Variants in MLXIP observed in about 807,000 individuals in gnomAD.
MLXIP encodes the protein MLX-interacting protein.
Under a neutral mutation model 87.2 loss-of-function variants are expected in MLXIP, and 30 were observed. The observed-to-expected ratio is 0.34, with a 90% CI of 0.26 to 0.47. MLXIP has a LOEUF of 0.47. Ranked by LOEUF, MLXIP falls within the 20% of genes least tolerant of loss-of-function variation. MLXIP has a pLI of 1.00. For synonymous variants in MLXIP, 530 were observed against 514.0 expected, an observed-to-expected ratio of 1.03 and a Z score of -0.42; for missense variants, 1,002 against 1,240.1, an observed-to-expected ratio of 0.81 and a Z score of 2.88.
At chr12:122,101,857 G>A (rs1009254755) in intron 1 of MLXIP, among the ~76,000 whole-genome samples, 1 of 152,104 alleles carries the variant, frequency 6.6e-6, no homozygotes, top group Non-Finnish European at 1.5e-5. Context: ...GGGATTACAG[G>A]CGTGAGCCAC....
intron 1 of MLXIP, among the ~76,000 whole-genome samples, chr12:122,089,085 G>A (rs1255302013): frequency 6.6e-6 from 1 of 152,012 alleles, no homozygotes; most frequent in Non-Finnish European, 1.5e-5. Context: ...GGGAGGCTGG[G>A]GCAAAAGGAT....
In MLXIP at chr12:122,133,748, C is replaced by G. The variant is rs1276705994; in HGVS notation, c.1493C>G (p.Ala498Gly). ...GCCACCCTCACCCACGATGCCCCCG[C>G]CACCACCTTTAGCCAGAGTCAGGGC... ...ASATLTHDAP[A>G]TTFSQSQGLV... is the part of the protein sequence containing the mutation. The change falls in exon 9 of 17, where the codon GCC becomes GGC. Residue 498 changes from alanine to glycine, a missense_variant. Around this residue, in one of 3 missense-constraint regions of MLXIP, gnomAD observed 746 missense variants for 897.0 expected, o/e 0.83. Transcript: ENST00000319080. This position sits in a 1 kb window ranked among gnomAD's most constrained non-coding sequence, Gnocchi z 4.9. 6.2e-7 allele frequency: 1 copy of G among 1,613,508 alleles called. No individual in the cohort carries two copies.
In MLXIP at chr12:122,122,711, A is replaced by G. The variant is rs1565977836; in HGVS notation, c.414-4545A>G. 4.0e-5 allele frequency among the ~76,000 whole-genome samples: 6 copies of G among 150,952 alleles called. No individual in the cohort carries two copies. In the East Asian group the frequency reaches 1.2e-3, roughly 29 times the overall value. On this transcript the variant is annotated intron_variant, in intron 1 of 16. Transcript: ENST00000319080. Reference sequence around the variant, plus strand: ...CGCCCGCCACCACGACGCCTGGCTAATTTTTTTTGTATTTTTAGTAGAGAC... The same window carrying G: ...CGCCCGCCACCACGACGCCTGGCTAGTTTTTTTTGTATTTTTAGTAGAGAC...
At position 122,115,985 on chromosome 12, in the gene MLXIP, A is replaced by G. The variant is rs552704638; in HGVS notation, c.414-11271A>G. ...AGAATCACTTGAACCCGGGAGGTGG[A>G]GGTTGCAGTGAGCCAAGATCATGCT... On this transcript the variant is annotated intron_variant, in intron 1 of 16. Transcript: ENST00000319080. Among the ~76,000 whole-genome samples the G allele has an allele frequency of 9.9e-5, 15 of 152,024 alleles. No individual in the cohort carries two copies. The South Asian group carries it at 1.2e-3, about 13-fold the overall frequency.
intron 1 of MLXIP, among the ~76,000 whole-genome samples, chr12:122,121,993 C>A (rs372067609): frequency 6.6e-6 from 1 of 152,302 alleles, no homozygotes; most frequent in Admixed American, 6.5e-5. Flanking sequence ...CGACCCTAGG[C>A]GATGGCCTTC....
In MLXIP at chr12:122,078,867, T is replaced by C; in HGVS notation, c.14T>C (p.Val5Ala). 9.1e-7 allele frequency: 1 copy of C among 1,103,992 alleles called. No individual in the cohort carries two copies. The allele number at this position is 1,103,992 out of a possible 1,614,324, so 68.4% of individuals were successfully genotyped here. MAADVFMCSPRRPRS... is the reference protein window; with the variant it reads MAADAFMCSPRRPRS... ...CGAGCCCTTCTCATGGCCGCCGACG[T>C]CTTCATGTGCTCCCCGCGCCGGCCT... is the stretch of plus-strand genomic sequence containing the variant. The change falls in exon 1 of 17, where the codon GTC becomes GCC. Residue 5 changes from valine (V) to alanine (A), a missense_variant. Physicochemically the swap from Val to Ala is moderately conservative, Grantham distance 64. Around this residue, in one of 3 missense-constraint regions of MLXIP, gnomAD observed 129 missense variants for 104.2 expected, o/e 1.24. Coordinates refer to ENST00000319080, the MANE Select transcript of MLXIP (RefSeq NM_014938.6).
chr12:122,132,497 C>T (rs969668435), intron 8 of MLXIP, 114 bp downstream of exon 8: 27 of 818,834 alleles, frequency 3.3e-5, no homozygotes, highest in African/African-American at 1.7e-4. Context: ...ACCAGCAAAG[C>T]GCCAAGCAGT....
intron 2 of MLXIP, among the ~76,000 whole-genome samples, chr12:122,127,678 T>G (rs1565980814): frequency 6.6e-6 from 1 of 152,308 alleles, no homozygotes; most frequent in East Asian, 1.9e-4. Flanking sequence ...CCACACTGCC[T>G]CTCTGACTGA....
chr12:122,129,765 A>C, intron 5 of MLXIP, 136 bp downstream of exon 5: 2 of 1,323,696 alleles, frequency 1.5e-6, no homozygotes, highest in Admixed American at 4.1e-5. Context: ...CTCAAGAAGC[A>C]GTCCAGCTCT....
chr12:122,093,817 TGGTG>T (rs1317279149), intron 1 of MLXIP, among the ~76,000 whole-genome samples: 9 of 141,122 alleles, frequency 6.4e-5, no homozygotes, highest in East Asian at 2.2e-4. Flanking sequence ...TGTCGTGTGT[TGGTG>T]TGTGTGTCAG....
At chr12:122,141,504 T>A (rs1953202918) in intron 16 of MLXIP, 187 bp from the exon 17 acceptor site, 2 of 523,098 alleles carry the variant, frequency 3.8e-6, no homozygotes, top group Non-Finnish European at 4.9e-6. Flanking sequence ...TTGGGGAGGC[T>A]TCTGGAGGCA....
At position 122,138,312 on chromosome 12, in the gene MLXIP, G is replaced by A. The variant is rs576649657; in HGVS notation, c.2256+17G>A. ...TCCAAGCTGGTGAGTTGCCAAGAGC[G>A]TGGGCTGTGGCAGGGCAGGGGAGCT... On this transcript the variant is annotated intron_variant, in intron 13 of 16. Coordinates refer to ENST00000319080, the MANE Select transcript of MLXIP (RefSeq NM_014938.6). 5.0e-6 allele frequency: 8 copies of A among 1,613,490 alleles called. No individual in the cohort carries two copies. In the Admixed American group the frequency reaches 5.0e-5, roughly 10 times the overall value.
At chr12:122,098,306 G>A (rs1952386745) in intron 1 of MLXIP, among the ~76,000 whole-genome samples, 1 of 152,250 alleles carries the variant, frequency 6.6e-6, no homozygotes, top group Admixed American at 6.5e-5. Context: ...TGTCCTAGAG[G>A]GCCCTGGGGC....
At chr12:122,113,915 G>C (rs1351234601) in intron 1 of MLXIP, among the ~76,000 whole-genome samples, 1 of 150,736 alleles carries the variant, frequency 6.6e-6, no homozygotes, top group African/African-American at 2.4e-5. Context: ...TCGAACTCCT[G>C]ACCTCGTGAT....
At position 122,110,788 on chromosome 12, in the gene MLXIP, A is replaced by T. The variant is rs572858545; in HGVS notation, c.414-16468A>T. Among the ~76,000 whole-genome samples the T allele has an allele frequency of 1.7e-4, 26 of 151,494 alleles. No individual in the cohort carries two copies. In the South Asian group the frequency reaches 4.8e-3, roughly 28 times the overall value. On this transcript the variant is annotated intron_variant, in intron 1 of 16. Transcript: ENST00000319080. ...CCTGCTCTTCAAAAGAAAAAAAAAT[A>T]AAAAAAGGGCTGGGCGCAGTGGCTC...
At chr12:122,101,209 C>G (rs1200308470) in intron 1 of MLXIP, among the ~76,000 whole-genome samples, 2 of 152,164 alleles carry the variant, frequency 1.3e-5, no homozygotes, top group Admixed American at 1.3e-4. Flanking sequence ...CCTTCCTCCT[C>G]CCTCATCACA....
chr12:122,123,936 G>A (rs1479215927), intron 1 of MLXIP, among the ~76,000 whole-genome samples: 1 of 152,168 alleles, frequency 6.6e-6, no homozygotes, highest in Non-Finnish European at 1.5e-5. Context: ...AGGCCAGGCA[G>A]AAGGAACTGT....
intron 15 of MLXIP, among the ~76,000 whole-genome samples, chr12:122,139,191 T>G (rs925547842): frequency 6.6e-6 from 1 of 152,184 alleles, no homozygotes; most frequent in African/African-American, 2.4e-5. Flanking sequence ...CTTCGCTCTC[T>G]AGGTCCTTAA....
chr12:122,100,754 A>G (rs1952424165), intron 1 of MLXIP, among the ~76,000 whole-genome samples: 1 of 152,212 alleles, frequency 6.6e-6, no homozygotes, highest in Non-Finnish European at 1.5e-5. Flanking sequence ...AGGGTAATTA[A>G]CTTAGTGAGG....
Sources: allele counts gnomAD v4.1 joint callset (sites outside exome capture counted in the v4.1 genomes callset), GRCh38; gene constraint gnomAD v4.1.1; regional missense constraint gnomAD v4.1.1; non-coding constraint Gnocchi (gnomAD v3.1); transcripts MANE v1.5; gene names NCBI Gene and HGNC (gene_info 2026-07-23, HGNC 2026-07-21).